PIAS4: variants seen among roughly 807,000 people sequenced by gnomAD.
The protein encoded by PIAS4 is protein inhibitor of activated STAT 4, also known as E3 SUMO-protein ligase PIAS4.
In PIAS4, 7 loss-of-function variants were observed where a neutral mutation model predicts 58.0. The observed-to-expected ratio is 0.12, with a 90% CI of 0.07 to 0.23. The LOEUF is 0.23. Among genes scored for constraint, PIAS4 ranks in the 10% least tolerant of loss-of-function variants. PIAS4 has a pLI of 1.00. For synonymous variants in PIAS4, 364 were observed against 312.4 expected, an observed-to-expected ratio of 1.17 and a Z score of -1.74; for missense variants, 550 against 709.5, an observed-to-expected ratio of 0.78 and a Z score of 2.55.
At chr19:4,029,238 G>A (rs1247445073) in intron 7 of PIAS4, among the ~76,000 whole-genome samples, 1 of 152,222 alleles carries the variant, frequency 6.6e-6, no homozygotes, top group Admixed American at 6.5e-5. Context: ...GGCAGTGGGA[G>A]CTGCTGTGCG....
At chr19:4,019,258 G>A (rs189958923) in intron 2 of PIAS4, among the ~76,000 whole-genome samples, 3 of 152,166 alleles carry the variant, frequency 2.0e-5, no homozygotes, top group African/African-American at 7.2e-5. Context: ...CGGGTGTTTG[G>A]GGGGAACCGT....
rs1262823852 is a variant in PIAS4 at position 4,033,595 on chromosome 19, C to G, written c.1142+15C>G. On this transcript the variant is annotated intron_variant, in intron 9 of 10. Coordinates refer to ENST00000262971, the MANE Select transcript of PIAS4 (RefSeq NM_015897.4). Reference sequence around the variant, plus strand: ...ATCATCGACGGGTGAGCCCGGGGCCCCGGGGAGGGCGGCCGGAGCCGGACA... The same window carrying G: ...ATCATCGACGGGTGAGCCCGGGGCCGCGGGGAGGGCGGCCGGAGCCGGACA... The G allele has an allele frequency of 1.3e-6, 2 of 1,586,420 alleles. No homozygotes were observed. The highest frequency in any genetic ancestry group is 8.6e-7 in the Non-Finnish European group (1 of 1,167,112).
chr19:4,007,930 C>T (rs1291822823), intron 1 of PIAS4, 143 bp downstream of exon 1: 15 of 515,888 alleles, frequency 2.9e-5, no homozygotes, highest in Non-Finnish European at 4.3e-5. Flanking sequence ...AGACCCCGAC[C>T]CCCGGTCTCA....
intron 3 of PIAS4, among the ~76,000 whole-genome samples, chr19:4,026,576 C>CACCT (rs1182149007): frequency 6.6e-6 from 1 of 151,950 alleles, no homozygotes. Context: ...TGTCCATCCC[C>CACCT]AGCAGCTGCC....
intron 2 of PIAS4, chr19:4,018,327 A>G (rs1412475104): frequency 6.6e-6 from 1 of 152,158 alleles, no homozygotes; most frequent in Non-Finnish European, 1.5e-5. Context: ...CTGCTATTTT[A>G]TAACCACCCC....
chr19:4,037,567 A>G lies in PIAS4; in HGVS notation c.1274-49A>G. 2.5e-6 allele frequency: 4 copies of G among 1,607,488 alleles called. No homozygotes were observed. The highest frequency in any genetic ancestry group is 2.5e-6 in the Non-Finnish European group (3 of 1,179,742). On this transcript the variant is annotated intron_variant, in intron 10 of 10. Coordinates refer to ENST00000262971, the MANE Select transcript of PIAS4 (RefSeq NM_015897.4). The surrounding 1 kb of genome is among the most constrained non-coding windows in gnomAD (Gnocchi z 5.8). Reference sequence around the variant, plus strand: ...CAGGGCCGCCTCAGTTTCCCCATTTATCAGTGGTTGCATCCTAAGTACCTG... The same window carrying G: ...CAGGGCCGCCTCAGTTTCCCCATTTGTCAGTGGTTGCATCCTAAGTACCTG...
intron 7 of PIAS4, among the ~76,000 whole-genome samples, chr19:4,029,390 C>G (rs1453506697): frequency 1.3e-5 from 2 of 152,086 alleles, no homozygotes; most frequent in Non-Finnish European, 2.9e-5. Context: ...GAGCTGTGGT[C>G]TAAGCAGCCC....
Position 4,024,201 on chromosome 19 carries a change from C to T in PIAS4, c.539+81C>T. 3 of 1,024,872 alleles carry T rather than the reference C, an allele frequency of 2.9e-6. No individual in the cohort carries two copies. The Admixed American group carries it at 5.1e-5, about 18-fold the overall frequency. 63.5% of individuals were successfully genotyped at this position (1,024,872 alleles called of 1,614,324 possible). On this transcript the variant is annotated intron_variant, in intron 3 of 10. Transcript: ENST00000262971. Reference sequence around the variant, plus strand: ...TGGGCTCACTGGGGAGAGCCGGCAGCCACGTCCACTGCAGGCCTCGCTCGG... The same window carrying T: ...TGGGCTCACTGGGGAGAGCCGGCAGTCACGTCCACTGCAGGCCTCGCTCGG...
At chr19:4,008,814 C>T (rs1568210631) in intron 1 of PIAS4, among the ~76,000 whole-genome samples, 1 of 151,902 alleles carries the variant, frequency 6.6e-6, no homozygotes, top group Non-Finnish European at 1.5e-5. Context: ...CTTTTATGCA[C>T]CCCAACTTTG....
At chr19:4,018,268 C>T (rs552975955) in intron 2 of PIAS4, among the ~76,000 whole-genome samples, 2 of 152,368 alleles carry the variant, frequency 1.3e-5, no homozygotes, top group African/African-American at 2.4e-5. Context: ...GTGCTTGCCG[C>T]CTTCTCCCTT....
At chr19:4,029,576 A>G (rs552880734) in intron 7 of PIAS4, among the ~76,000 whole-genome samples, 2 of 149,508 alleles carry the variant, frequency 1.3e-5, no homozygotes, top group African/African-American at 4.9e-5. Flanking sequence ...TTAGAGAGTC[A>G]GGGTCTCTGG....
chr19:4,013,366 G>A lies in PIAS4; in HGVS notation c.454+17G>A. The A allele has an allele frequency of 6.3e-7, 1 of 1,599,238 alleles. No individual in the cohort carries two copies. The highest frequency in any genetic ancestry group is 1.3e-5 in the African/African-American group (1 of 74,784). Reference sequence around the variant, plus strand: ...CCGAATTAGGTGAGTGGTCACCCTGGGGAGGCTGCGACTGGAGGCTTCACC... The same window carrying A: ...CCGAATTAGGTGAGTGGTCACCCTGAGGAGGCTGCGACTGGAGGCTTCACC... On this transcript the variant is annotated intron_variant, in intron 2 of 10. Transcript: ENST00000262971. The surrounding 1 kb of genome is among the most constrained non-coding windows in gnomAD (Gnocchi z 5.1).
intron 1 of PIAS4, among the ~76,000 whole-genome samples, chr19:4,010,725 G>A (rs1048992958): frequency 5.9e-5 from 9 of 152,186 alleles, no homozygotes; most frequent in Non-Finnish European, 1.3e-4. Context: ...GTGAGCCTCG[G>A]TTTCCTCACC....
Position 4,016,920 on chromosome 19 carries a change from C to T in PIAS4, c.454+3571C>T, listed in dbSNP as rs548651338. The stretch of plus-strand genomic sequence containing the variant: ...AAGGCTGGGGGCTACCCTGCTTGCC[C>T]CGAGGGCTTCAGCGCCCCTGAGGTT... On this transcript the variant is annotated intron_variant, in intron 2 of 10. Coordinates refer to ENST00000262971, the MANE Select transcript of PIAS4 (RefSeq NM_015897.4). 1.2e-4 allele frequency among the ~76,000 whole-genome samples: 19 copies of T among 152,240 alleles called. No homozygotes were observed. The East Asian group carries it at 2.9e-3, about 23-fold the overall frequency.
chr19:4,028,540 G>A lies in PIAS4; in HGVS notation c.612G>A (p.Gln204=). Residue 204 remains glutamine, a synonymous_variant, in exon 5 of 11, where the codon CAG becomes CAA. Transcript: ENST00000262971. ...GTTACTCAGACACCAGCTGCCCTCA[G>A]GAGGACCAGTACCCGCCCAACATCG... The part of the protein sequence containing the change: ...RICYSDTSCP[Q]EDQYPPNIAV... The A allele has an allele frequency of 6.2e-7, 1 of 1,613,024 alleles. No homozygotes were observed. The highest frequency in any genetic ancestry group is 8.5e-7 in the Non-Finnish European group (1 of 1,179,922).
At chr19:4,023,712 G>A (rs1267974033) in intron 2 of PIAS4, among the ~76,000 whole-genome samples, 1 of 152,162 alleles carries the variant, frequency 6.6e-6, no homozygotes, top group East Asian at 1.9e-4. Context: ...GGCCTGGCTG[G>A]GTCCAGCTCT....
chr19:4,024,978 T>C (rs2040148089), intron 3 of PIAS4, among the ~76,000 whole-genome samples: 5 of 152,232 alleles, frequency 3.3e-5, no homozygotes, highest in Admixed American at 3.3e-4. Flanking sequence ...TTGATCAGGC[T>C]GGTCTCGAAT....
At chr19:4,012,665 A>G (rs973538931) in intron 1 of PIAS4, among the ~76,000 whole-genome samples, 3 of 151,884 alleles carry the variant, frequency 2.0e-5, no homozygotes, top group Admixed American at 6.6e-5. Flanking sequence ...AGAACCTAAA[A>G]TAGAAGGGGG....
chr19:4,014,253 G>A (rs537448025), intron 2 of PIAS4, among the ~76,000 whole-genome samples: 3 of 152,294 alleles, frequency 2.0e-5, no homozygotes, highest in South Asian at 2.1e-4. Flanking sequence ...GGAACTGTGT[G>A]TCAGGACCTC....
Sources: allele counts gnomAD v4.1 joint callset (sites outside exome capture counted in the v4.1 genomes callset), GRCh38; gene constraint gnomAD v4.1.1; non-coding constraint Gnocchi (gnomAD v3.1); transcripts MANE v1.5; gene names NCBI Gene and HGNC (gene_info 2026-07-23, HGNC 2026-07-21).